RP1L1: variants seen among roughly 807,000 people sequenced by gnomAD.
The protein encoded by RP1L1 is retinitis pigmentosa 1-like 1 protein.
Under a neutral mutation model 15.7 loss-of-function variants are expected in RP1L1, and 27 were observed. The observed-to-expected ratio is 1.72, with a 90% confidence interval of 1.27 to 2.38. RP1L1 has a LOEUF of 2.38. Ranked by LOEUF, RP1L1 falls within the 30% of genes most tolerant of loss-of-function variation. RP1L1 has a pLI of 0.00. For missense variants in RP1L1, 4,798 were observed against 3,075.9 expected (o/e 1.56, Z -13.24); for synonymous variants, 1,813 against 1,276.7 (o/e 1.42, Z -8.96).
At chr8:10,639,342 T>A (rs1798375922) in intron 1 of RP1L1, among the ~76,000 whole-genome samples, 1 of 152,102 alleles carries the variant, frequency 6.6e-6, no homozygotes, top group African/African-American at 2.4e-5. Context: ...TGTGTTAACC[T>A]GTCCTGCCTC....
intron 1 of RP1L1, among the ~76,000 whole-genome samples, chr8:10,648,332 A>T (rs1160458837): frequency 6.6e-6 from 1 of 151,870 alleles, no homozygotes; most frequent in African/African-American, 2.4e-5. Context: ...GCACCTGGCC[A>T]ATTTTCTGGG....
At chr8:10,614,149 A>G (rs980711346) in intron 3 of RP1L1, among the ~76,000 whole-genome samples, 2 of 152,166 alleles carry the variant, frequency 1.3e-5, no homozygotes, top group African/African-American at 4.8e-5. Context: ...ACAGCAGGTG[A>G]AATCAATAAA....
chr8:10,629,865 G>C (rs1413320317), intron 1 of RP1L1, among the ~76,000 whole-genome samples: 1 of 152,102 alleles, frequency 6.6e-6, no homozygotes, highest in African/African-American at 2.4e-5. Context: ...ATTCTGCCTG[G>C]CATTAGTGGT....
Position 10,621,881 on chromosome 8 carries a change from C to G in RP1L1, c.609+712G>C, listed in dbSNP as rs571743688. On this transcript the variant is annotated intron_variant, in intron 2 of 3. Transcript: ENST00000382483. The stretch of plus-strand genomic sequence containing the variant: ...CATGCTGGGAGCCATTCCTGCAGAC[C>G]CAGCTTCCAATTCACTCTCTGGCTT... The G allele has an allele frequency of 2.4e-4, 103 of 424,400 alleles. 2 individuals are homozygous for G. The highest frequency in any genetic ancestry group is 1.6e-3 in the South Asian group (97 of 59,548). 26.3% of individuals were successfully genotyped at this position (424,400 alleles called of 1,614,324 possible). A position where few individuals can be genotyped will look rare whatever the true frequency, so the allele number is the denominator to read the frequency against.
intron 3 of RP1L1, among the ~76,000 whole-genome samples, chr8:10,616,228 A>C (rs1797962593): frequency 6.6e-6 from 1 of 152,070 alleles, no homozygotes; most frequent in Non-Finnish European, 1.5e-5. Flanking sequence ...TTTATATACC[A>C]AGCACTGCCC....
chr8:10,612,336 C>T lies in RP1L1; in HGVS notation c.1762G>A (p.Asp588Asn), dbSNP rs200344135. Residue 588 changes from aspartate to asparagine, a missense_variant, in exon 4 of 4, where the codon GAC (aspartate) becomes AAC (asparagine). Physicochemically the swap from Asp to Asn is conservative, Grantham distance 23 (BLOSUM62 1). Transcript: ENST00000382483. ...TGTCCTTGCGTCTCTGCCTGCAGGTCGTCACTCCTTAAAGATGAAAGACTC... is the reference window on the plus strand; with the variant it reads ...TGTCCTTGCGTCTCTGCCTGCAGGTTGTCACTCCTTAAAGATGAAAGACTC... ...ALSLSSLRSD[D>N]LQAETQGQGT... 8 of 1,613,074 alleles carry T rather than the reference C, an allele frequency of 5.0e-6. No individual in the cohort carries two copies. The highest frequency in any genetic ancestry group is 1.1e-5 in the South Asian group (1 of 91,082).
chr8:10,624,576 G>A (rs968359306), intron 1 of RP1L1, among the ~76,000 whole-genome samples: 9 of 152,220 alleles, frequency 5.9e-5, no homozygotes, highest in African/African-American at 1.9e-4. Context: ...TATGGCCCTG[G>A]CGTCTTCTCT....
At position 10,612,564 on chromosome 8, in the gene RP1L1, G is replaced by C. The variant is rs201550731; in HGVS notation, c.1534C>G (p.Leu512Val). ...CGGCCGCCTTGCTCTGGGCCGCCCAGCCCTGCTCCATCTATGCATAGGCCG... is the reference window on the plus strand; with the variant it reads ...CGGCCGCCTTGCTCTGGGCCGCCCACCCCTGCTCCATCTATGCATAGGCCG... ...DPGLCIDGAG[L>V]GGPEQGGRLT... Residue 512 changes from leucine (L) to valine (V), a missense_variant, in exon 4 of 4, where the codon CTG becomes GTG. Transcript: ENST00000382483. 6.2e-7 allele frequency: 1 copy of C among 1,607,286 alleles called. No individual in the cohort carries two copies. Among genetic ancestry groups the C allele is most frequent in the African/African-American group, 1.3e-5 (1 of 75,014 alleles).
In RP1L1 at chr8:10,612,105, G is replaced by A; in HGVS notation, c.1993C>T (p.Pro665Ser). 6.2e-7 allele frequency: 1 copy of A among 1,613,802 alleles called. No individual in the cohort carries two copies. The highest frequency in any genetic ancestry group is 8.5e-7 in the Non-Finnish European group (1 of 1,180,038). Residue 665 changes from proline (P) to serine (S), a missense_variant, in exon 4 of 4, where the codon CCC becomes TCC. By Grantham distance (74) the Pro-to-Ser change is moderately conservative. Transcript: ENST00000382483. ...TCCTTGCGGTAGTGAGAATGCCTGG[G>A]ATGGCCTCTCGGGGCCACTCGGCCA... ...GLGRVAPRGH[P>S]RHSHYRKDTH...
rs111301317 is a variant in RP1L1, at chr8:10,615,713, G to C, written c.751+733C>G. On this transcript the variant is annotated intron_variant, in intron 3 of 3. Transcript: ENST00000382483. ...CTGGCTAATTTGTTCATTACTTATT[G>C]ATGTTTGTGGTAGAGGCAGGGTCTT... 4.7e-3 allele frequency among the ~76,000 whole-genome samples: 707 copies of C among 151,788 alleles called. 7 individuals carry two copies. The highest frequency in any genetic ancestry group is 0.016 in the African/African-American group (665 of 41,366).
chr8:10,621,925 C>T lies in RP1L1; in HGVS notation c.609+668G>A, dbSNP rs769442942. ...CTGGCTTCCCAAACATGAAGCCCTC[C>T]AACGCCCTGTATTAAATCACTTTCT... On this transcript the variant is annotated intron_variant, in intron 2 of 3. Transcript: ENST00000382483. Among the ~76,000 whole-genome samples the T allele has an allele frequency of 1.3e-5, 2 of 152,200 alleles. 1 individual carries two copies. The highest frequency in any genetic ancestry group is 4.1e-4 in the South Asian group (2 of 4,828).
chr8:10,609,989 T>C lies in RP1L1; in HGVS notation c.4109A>G (p.Glu1370Gly), dbSNP rs748952734. The C allele has an allele frequency of 6.2e-7, 1 of 1,609,476 alleles. No individual in the cohort carries two copies. The highest frequency in any genetic ancestry group is 1.3e-5 in the African/African-American group (1 of 74,456). ...TTTAACTTCCTCTAACTGCACCCCCTCTTCTTGCAGCCCTTCTCCTCCTGT... is the reference window on the plus strand; with the variant it reads ...TTTAACTTCCTCTAACTGCACCCCCCCTTCTTGCAGCCCTTCTCCTCCTGT... ...EETGGEGLQE[E>G]GVQLEEVKEG... The change falls in exon 4 of 4, where the codon GAG (glutamate) becomes GGG (glycine). Residue 1370 changes from glutamate (E) to glycine (G), a missense_variant. Coordinates refer to ENST00000382483, the MANE Select transcript of RP1L1 (RefSeq NM_178857.6).
At position 10,612,346 on chromosome 8, in the gene RP1L1, TAAAGATG is replaced by T; in HGVS notation, c.1745_1751del (p.Ser582Ter). ...TCTCTGCCTGCAGGTCGTCACTCCT[TAAAGATG>T]AAAGACTCAGGGCTGGAGAAGCGGG... On this transcript the variant is annotated frameshift_variant, in exon 4 of 4. Transcript: ENST00000382483. LOFTEE classifies it low-confidence loss of function (END_TRUNC). 3.1e-6 allele frequency: 5 copies of T among 1,613,146 alleles called. No individual in the cohort carries two copies. Among genetic ancestry groups the T allele is most frequent in the Non-Finnish European group, 4.2e-6 (5 of 1,180,024 alleles).
rs983037547 is a variant in RP1L1 at position 10,608,580 on chromosome 8, C to T, written c.5518G>A (p.Ala1840Thr). 6.8e-6 allele frequency: 11 copies of T among 1,613,982 alleles called. No individual in the cohort carries two copies. The highest frequency in any genetic ancestry group is 1.3e-5 in the African/African-American group (1 of 74,934). The part of the protein sequence containing the change: ...DGAEGIEAPE[A>T]EGEAQPESEG... ...GACTCTGGCTGGGCCTCCCCTTCAGCCTCCGGGGCCTCTATGCCTTCGGCC... is the reference window on the plus strand; with the variant it reads ...GACTCTGGCTGGGCCTCCCCTTCAGTCTCCGGGGCCTCTATGCCTTCGGCC... Residue 1840 changes from alanine to threonine, a missense_variant, in exon 4 of 4, where the codon GCT becomes ACT. Ala to Thr is a moderately conservative substitution (Grantham distance 58). Coordinates refer to ENST00000382483, the MANE Select transcript of RP1L1 (RefSeq NM_178857.6).
intron 1 of RP1L1, among the ~76,000 whole-genome samples, chr8:10,633,033 A>G (rs1363837595): frequency 6.6e-6 from 1 of 152,178 alleles, no homozygotes; most frequent in Admixed American, 6.5e-5. Context: ...GGTCTGCACC[A>G]TGGGGTTTAT....
At chr8:10,619,704 A>C (rs536132710) in intron 2 of RP1L1, among the ~76,000 whole-genome samples, 1 of 152,238 alleles carries the variant, frequency 6.6e-6, no homozygotes, top group South Asian at 2.1e-4. Context: ...AGGTGGGCAG[A>C]TCACCTGAGG....
chr8:10,621,869 A>C, intron 2 of RP1L1: 1 of 436,188 alleles, frequency 2.3e-6, no homozygotes, highest in Non-Finnish European at 4.7e-6. Context: ...GCTGGGAGCC[A>C]TTCCTGCAGA....
chr8:10,611,238 C>T lies in RP1L1; in HGVS notation c.2860G>A (p.Glu954Lys). Residue 954 changes from glutamate (E) to lysine (K), a missense_variant, in exon 4 of 4, where the codon GAG becomes AAG. Coordinates refer to ENST00000382483, the MANE Select transcript of RP1L1 (RefSeq NM_178857.6). ...SPSSLPRSSP[E>K]AVVREWLDNI... is the part of the protein sequence containing the mutation. Reference sequence around the variant, plus strand: ...TCCAGCCATTCGCGGACCACAGCCTCTGGAGACGAGCGGGGCAGAGAGCTG... The same window carrying T: ...TCCAGCCATTCGCGGACCACAGCCTTTGGAGACGAGCGGGGCAGAGAGCTG... 3 of 1,613,078 alleles carry T rather than the reference C, an allele frequency of 1.9e-6. No homozygotes were observed. The highest frequency in any genetic ancestry group is 2.2e-5 in the East Asian group (1 of 44,866).
rs1405025444 is a variant in RP1L1, at chr8:10,608,996, G to C, written c.5102C>G (p.Thr1701Ser). The C allele has an allele frequency of 7.4e-6, 12 of 1,613,304 alleles. No homozygotes were observed. Among genetic ancestry groups the C allele is most frequent in the Non-Finnish European group, 1.0e-5 (12 of 1,179,306 alleles). ...GGCCACCTCTGCTGCCTCCCCATCA[G>C]TGTGTTCTCCCCTCTTCCTCTGCAG... Reference protein sequence around the residue: ...QILQRKRGEHTDGEAAEVAPG... With the variant: ...QILQRKRGEHSDGEAAEVAPG... The change falls in exon 4 of 4, where the codon ACT becomes AGT. Residue 1701 changes from threonine to serine, a missense_variant. By Grantham distance (58) the Thr-to-Ser change is moderately conservative. Transcript: ENST00000382483.
Sources: allele counts gnomAD v4.1 joint callset (sites outside exome capture counted in the v4.1 genomes callset), GRCh38; gene constraint gnomAD v4.1.1; transcripts MANE v1.5; gene names NCBI Gene and HGNC (gene_info 2026-07-23, HGNC 2026-07-21).